DNAJC5B: variants seen among roughly 807,000 people sequenced by gnomAD.
DNAJC5B encodes DnaJ heat shock protein family (Hsp40) member C5 beta, also known as dnaJ homolog subfamily C member 5B.
Under a neutral mutation model 24.7 loss-of-function variants are expected in DNAJC5B, and 23 were observed. The observed-to-expected ratio is 0.93, with a 90% CI of 0.67 to 1.32. The LOEUF is 1.32. DNAJC5B is among the 40% of genes most tolerant of loss of function. DNAJC5B has a pLI of 0.00. For missense variants in DNAJC5B, 238 were observed against 240.8 expected, an observed-to-expected ratio of 0.99 and a Z score of 0.08; for synonymous variants, 101 against 90.1, an observed-to-expected ratio of 1.12 and a Z score of -0.68.
intron 3 of DNAJC5B, among the ~76,000 whole-genome samples, chr8:66,068,721 T>A (rs1056263305): frequency 2.0e-5 from 3 of 152,066 alleles, no homozygotes; most frequent in African/African-American, 7.2e-5. Context: ...TGAAAGATAT[T>A]AAACCACATA....
At chr8:66,073,376 G>C (rs190162496) in intron 3 of DNAJC5B, among the ~76,000 whole-genome samples, 2 of 152,020 alleles carry the variant, frequency 1.3e-5, no homozygotes, top group Non-Finnish European at 2.9e-5. Flanking sequence ...TCGTTAAAAA[G>C]ATTGAAATAG....
chr8:66,045,941 A>G (rs1806713944), intron 2 of DNAJC5B, among the ~76,000 whole-genome samples: 1 of 152,196 alleles, frequency 6.6e-6, no homozygotes, highest in Non-Finnish European at 1.5e-5. Flanking sequence ...GTGCTGCCCA[A>G]CGCCAAACCT....
At chr8:66,048,789 A>AG (rs909566884) in intron 2 of DNAJC5B, among the ~76,000 whole-genome samples, 1 of 152,178 alleles carries the variant, frequency 6.6e-6, no homozygotes, top group African/African-American at 2.4e-5. Flanking sequence ...AGCAAGTGGT[A>AG]GTGTTGCTTT....
At chr8:66,016,208 A>G in the DNAJC5B span, among the ~76,000 whole-genome samples, 1 of 152,170 alleles carries the variant, frequency 6.6e-6, no homozygotes, top group Non-Finnish European at 1.5e-5. Context: ...TTTATAAGGC[A>G]CTAATCCATT....
chr8:66,062,181 T>C (rs1448126681), intron 3 of DNAJC5B, among the ~76,000 whole-genome samples: 4 of 152,236 alleles, frequency 2.6e-5, no homozygotes, highest in African/African-American at 9.6e-5. Context: ...AATTAGAAAA[T>C]AGAAAATGTC....
intron 5 of DNAJC5B, among the ~76,000 whole-genome samples, chr8:66,090,548 C>T (rs898063145): frequency 6.6e-6 from 1 of 151,818 alleles, no homozygotes; most frequent in Non-Finnish European, 1.5e-5. Flanking sequence ...TATTATTGAC[C>T]TTGGATCTAA....
At chr8:66,026,737 C>A (rs1806252646) in intron 1 of DNAJC5B, among the ~76,000 whole-genome samples, 1 of 152,240 alleles carries the variant, frequency 6.6e-6, no homozygotes, top group Admixed American at 6.5e-5. Context: ...TGAGAAGGAG[C>A]TCTCCTGCTG....
At chr8:66,043,812 GA>G (rs1806667517) in intron 2 of DNAJC5B, among the ~76,000 whole-genome samples, 1 of 146,388 alleles carries the variant, frequency 6.8e-6, no homozygotes, top group Non-Finnish European at 1.5e-5. Flanking sequence ...TTAGTGCAAT[GA>G]AAAGAACCTT....
At chr8:66,064,757 A>G (rs2128961834) in intron 3 of DNAJC5B, among the ~76,000 whole-genome samples, 1 of 152,300 alleles carries the variant, frequency 6.6e-6, no homozygotes, top group Admixed American at 6.5e-5. Context: ...TGGCGTGCTA[A>G]AAGCTGTCAG....
At chr8:66,061,626 T>C (rs1307969228) in intron 3 of DNAJC5B, among the ~76,000 whole-genome samples, 1 of 151,902 alleles carries the variant, frequency 6.6e-6, no homozygotes, top group Non-Finnish European at 1.5e-5. Context: ...TGTGTGTGTG[T>C]GTGTGTGTGC....
chr8:66,042,765 T>C (rs1024038558), intron 1 of DNAJC5B, among the ~76,000 whole-genome samples: 1 of 137,820 alleles, frequency 7.3e-6, no homozygotes, highest in Non-Finnish European at 1.5e-5. Flanking sequence ...TCTGTGATGA[T>C]GGGCAGCTTC....
At chr8:66,090,840 C>G (rs1249182532) in intron 5 of DNAJC5B, among the ~76,000 whole-genome samples, 1 of 152,216 alleles carries the variant, frequency 6.6e-6, no homozygotes, top group Admixed American at 6.5e-5. Context: ...CATCCTACCC[C>G]TTTCCCCCAG....
chr8:66,075,527 A>G (rs1156877328), intron 3 of DNAJC5B, among the ~76,000 whole-genome samples: 1 of 152,172 alleles, frequency 6.6e-6, no homozygotes, highest in African/African-American at 2.4e-5. Flanking sequence ...TTCTGCATGT[A>G]AAAAAACATG....
chr8:66,041,662 T>C (rs1054564485), intron 1 of DNAJC5B, among the ~76,000 whole-genome samples: 2 of 152,268 alleles, frequency 1.3e-5, no homozygotes, highest in Non-Finnish European at 2.9e-5. Context: ...CACTTGGCAA[T>C]GCTTTTACAA....
chr8:66,055,856 C>T (rs557151573), intron 3 of DNAJC5B, among the ~76,000 whole-genome samples: 3 of 152,094 alleles, frequency 2.0e-5, no homozygotes, highest in East Asian at 1.9e-4. Flanking sequence ...GCACGAGAAT[C>T]GCTTGAACCT....
chr8:66,091,976 G>A (rs1287466275), intron 5 of DNAJC5B, among the ~76,000 whole-genome samples: 3 of 152,278 alleles, frequency 2.0e-5, no homozygotes, highest in South Asian at 4.1e-4. Context: ...AATCCAAAGA[G>A]GCGGGAAGTA....
At chr8:66,074,660 T>C (rs549946519) in intron 3 of DNAJC5B, among the ~76,000 whole-genome samples, 1 of 152,348 alleles carries the variant, frequency 6.6e-6, no homozygotes, top group East Asian at 1.9e-4. Flanking sequence ...GTGCCTATTC[T>C]ATTTAAAAAT....
chr8:66,058,725 T>C (rs909472749), intron 3 of DNAJC5B, among the ~76,000 whole-genome samples: 1 of 152,246 alleles, frequency 6.6e-6, no homozygotes, highest in African/African-American at 2.4e-5. Context: ...TAAAGCACCT[T>C]TTTCCTCTTT....
chr8:66,048,986 C>G (rs991164149), intron 2 of DNAJC5B, among the ~76,000 whole-genome samples: 4 of 152,248 alleles, frequency 2.6e-5, no homozygotes, highest in Non-Finnish European at 4.4e-5. Context: ...TCTGTTTGAT[C>G]TCTATACTTG....
Sources: allele counts gnomAD v4.1 joint callset (sites outside exome capture counted in the v4.1 genomes callset), GRCh38; gene constraint gnomAD v4.1.1; transcripts MANE v1.5; gene names NCBI Gene and HGNC (gene_info 2026-07-23, HGNC 2026-07-21).